The following NLGN4X variants were observed in gnomAD, a reference collection of about 807,000 sequenced individuals.
The protein encoded by NLGN4X is neuroligin 4 X-linked.
NLGN4X carries 3 observed loss-of-function variants against 40.3 expected under a neutral mutation model. The ratio of observed to expected loss-of-function variants is 0.07; its 90% CI spans 0.03 to 0.19. The LOEUF (loss-of-function observed/expected upper bound fraction) is 0.19. NLGN4X is among the 10% of genes least tolerant of loss of function. The pLI, the probability that NLGN4X is intolerant of heterozygous loss-of-function variation, is 1.00. For synonymous variants in NLGN4X, 270 were observed against 306.8 expected (o/e 0.88, Z 1.25); for missense variants, 382 against 708.3 (o/e 0.54, Z 5.23).
chrX:6,156,732 T>C (rs189998627), intron 1 of NLGN4X, among the ~76,000 whole-genome samples: 1 of 108,890 alleles, frequency 9.2e-6, no homozygotes, highest in Admixed American at 9.8e-5. Context: ...GGGGAAAAGG[T>C]AGAAAAACTA....
chrX:6,002,989 C>A (rs993204907), intron 3 of NLGN4X, among the ~76,000 whole-genome samples: 2 of 111,561 alleles, frequency 1.8e-5, no homozygotes, highest in Admixed American at 9.6e-5. Context: ...CTGCTGAGAG[C>A]TACTTTCAAC....
intron 1 of NLGN4X, among the ~76,000 whole-genome samples, chrX:6,218,864 C>G (rs1925340086): frequency 9.0e-6 from 1 of 111,186 alleles, no homozygotes; most frequent in African/African-American, 3.3e-5. Context: ...CCCATTAGTA[C>G]AGGAGACTTT....
At chrX:5,916,212 C>T (rs990067220) in intron 3 of NLGN4X, among the ~76,000 whole-genome samples, 1 of 111,784 alleles carries the variant, frequency 8.9e-6, no homozygotes, top group African/African-American at 3.3e-5. Flanking sequence ...AATAGCCACC[C>T]AAGGCTCCAC....
intron 1 of NLGN4X, among the ~76,000 whole-genome samples, chrX:6,199,089 C>A (rs151245191): frequency 9.1e-4 from 101 of 111,587 alleles, no homozygotes; most frequent in African/African-American, 3.0e-3. Context: ...GTATGCTCAG[C>A]TGAGAAAAGA....
intron 3 of NLGN4X, among the ~76,000 whole-genome samples, chrX:5,931,801 C>A (rs916063260): frequency 9.0e-6 from 1 of 111,513 alleles, no homozygotes; most frequent in South Asian, 3.8e-4. Flanking sequence ...AAGCTATAAG[C>A]CATCCCGAGG....
chrX:6,132,327 C>G (rs1178498077), intron 2 of NLGN4X, among the ~76,000 whole-genome samples: 1 of 111,475 alleles, frequency 9.0e-6, no homozygotes, highest in East Asian at 2.8e-4. Context: ...ATTGCTGACA[C>G]CCCCTTGCCA....
At chrX:5,982,735 G>A (rs780082615) in intron 3 of NLGN4X, among the ~76,000 whole-genome samples, 8 of 112,028 alleles carry the variant, frequency 7.1e-5, no homozygotes, top group East Asian at 2.8e-4. Flanking sequence ...GCACACACCC[G>A]TGGTCCCAGC....
At position 5,908,977 on chromosome X, in the gene NLGN4X, A is replaced by T; in HGVS notation, c.811+77T>A. On this transcript the variant is annotated intron_variant, in intron 4 of 5. Transcript: ENST00000381095. ...GTGACTTCTGGTAACCAGGACATGC[A>T]TCTGAGATATGAACTCTGACCATTC... is the stretch of plus-strand genomic sequence containing the variant. The T allele has an allele frequency of 5.5e-6, 6 of 1,096,475 alleles. No homozygotes were observed. In the Admixed American group the frequency reaches 1.2e-4, roughly 22 times the overall value. The allele number at this position is 1,096,475 out of a possible 1,213,427, so 90.4% of individuals were successfully genotyped here.
chrX:6,030,852 G>C (rs2036839611), intron 2 of NLGN4X, among the ~76,000 whole-genome samples: 1 of 112,063 alleles, frequency 8.9e-6, no homozygotes, highest in Admixed American at 9.5e-5. Flanking sequence ...CTTTTCTCAT[G>C]ATCCACTGCT....
At chrX:6,112,174 C>A (rs963739039) in intron 2 of NLGN4X, among the ~76,000 whole-genome samples, 1 of 111,543 alleles carries the variant, frequency 9.0e-6, no homozygotes, top group Admixed American at 9.5e-5. Flanking sequence ...GGGACAAGGA[C>A]TAAAAAACTT....
chrX:6,072,031 C>CT (rs899278339), intron 2 of NLGN4X, among the ~76,000 whole-genome samples: 2 of 110,076 alleles, frequency 1.8e-5, no homozygotes, highest in African/African-American at 6.6e-5. Context: ...TTTTATTTTC[C>CT]TTTTTTTTCC....
intron 3 of NLGN4X, among the ~76,000 whole-genome samples, chrX:5,914,067 T>C (rs2032648218): frequency 8.9e-6 from 1 of 112,007 alleles, no homozygotes; most frequent in Non-Finnish European, 1.9e-5. Flanking sequence ...CAGTCTCAGG[T>C]ATGTCTTTAT....
At chrX:6,142,468 T>C (rs374116653) in intron 2 of NLGN4X, among the ~76,000 whole-genome samples, 44 of 112,547 alleles carry the variant, frequency 3.9e-4, no homozygotes, top group Middle Eastern at 4.6e-3. Context: ...TTCATAATTA[T>C]CTTTACTTAT....
intron 2 of NLGN4X, among the ~76,000 whole-genome samples, chrX:6,115,320 G>A (rs980044253): frequency 1.3e-4 from 14 of 111,853 alleles, no homozygotes; most frequent in African/African-American, 4.6e-4. Flanking sequence ...GTCATGTTGT[G>A]CCTTGGGAAT....
chrX:6,226,543 C>G (rs1003072180), intron 1 of NLGN4X: 2 of 111,547 alleles, frequency 1.8e-5, no homozygotes, highest in Non-Finnish European at 3.8e-5. Context: ...TGCGCTCGGG[C>G]CCAGGGTTGC....
At chrX:5,967,639 G>A (rs778785478) in intron 3 of NLGN4X, among the ~76,000 whole-genome samples, 1 of 111,801 alleles carries the variant, frequency 8.9e-6, no homozygotes, top group East Asian at 2.8e-4. Flanking sequence ...CTGGGAAAAT[G>A]CTTCTAGTCA....
intron 1 of NLGN4X, chrX:6,227,823 AGGAGGG>A (rs1926517280): frequency 9.1e-6 from 1 of 110,453 alleles, no homozygotes; most frequent in Non-Finnish European, 1.9e-5. Context: ...CCGGAGATGA[AGGAGGG>A]AAAAAAAATC....
intron 2 of NLGN4X, chrX:6,061,496 T>G (rs940812626): frequency 2.7e-5 from 3 of 112,144 alleles, no homozygotes; most frequent in African/African-American, 9.7e-5. Flanking sequence ...TGATATTGAT[T>G]CCAATTTTAT....
chrX:6,051,438 C>T, intron 2 of NLGN4X, among the ~76,000 whole-genome samples: 1 of 111,158 alleles, frequency 9.0e-6, no homozygotes, highest in South Asian at 3.9e-4. Flanking sequence ...GGTCCCTAGA[C>T]CCAATGACTA....
Sources: gnomAD v4.1 joint callset for allele counts (sites outside exome capture counted in the v4.1 genomes callset) on GRCh38, gnomAD v4.1.1 for gene constraint, MANE v1.5 for transcripts, NCBI Gene and HGNC (gene_info 2026-07-23, HGNC 2026-07-21) for gene names.